The following SHQ1 variants were observed in gnomAD, a reference collection of about 807,000 sequenced individuals.
SHQ1 encodes SHQ1, H/ACA ribonucleoprotein assembly factor, also known as protein SHQ1 homolog.
Under a neutral mutation model 53.8 loss-of-function variants are expected in SHQ1, and 49 were observed. The observed-to-expected ratio is 0.91, with a 90% confidence interval of 0.72 to 1.16. SHQ1 has a LOEUF of 1.16. Ranked by LOEUF, SHQ1 falls within the 50% of genes most tolerant of loss-of-function variation. The probability of loss-of-function intolerance (pLI) is 0.00; values close to 1 mark genes in which losing one functional copy is unlikely to be tolerated. For missense variants in SHQ1, 738 were observed against 683.1 expected, an observed-to-expected ratio of 1.08 and a Z score of -0.90; for synonymous variants, 243 against 251.0, an observed-to-expected ratio of 0.97 and a Z score of 0.30.
downstream of SHQ1, among the ~76,000 whole-genome samples, chr3:72,745,025 C>T (rs952312021): frequency 6.6e-6 from 1 of 151,176 alleles, no homozygotes; most frequent in Non-Finnish European, 1.5e-5. Context: ...AAGTTTTAAA[C>T]TCATTTCCAT....
chr3:72,779,639 T>C (rs1157797293), intron 10 of SHQ1, among the ~76,000 whole-genome samples: 1 of 152,184 alleles, frequency 6.6e-6, no homozygotes, highest in African/African-American at 2.4e-5. Context: ...ATTTGTTGAA[T>C]GAATGGACTG....
At chr3:72,775,699 A>C (rs1437598565) in intron 10 of SHQ1, among the ~76,000 whole-genome samples, 1 of 152,168 alleles carries the variant, frequency 6.6e-6, no homozygotes, top group East Asian at 1.9e-4. Flanking sequence ...AATACATCAT[A>C]ATCAAGATAG....
intron 9 of SHQ1, among the ~76,000 whole-genome samples, chr3:72,805,908 A>G (rs1207054789): frequency 2.6e-5 from 4 of 152,236 alleles, no homozygotes; most frequent in Admixed American, 6.5e-5. Flanking sequence ...AATGTTTTAT[A>G]CAAATGTAAC....
intron 10 of SHQ1, chr3:72,772,480 C>A: frequency 3.9e-6 from 2 of 507,774 alleles, no homozygotes; most frequent in Admixed American, 2.7e-5. Context: ...TCTTCAAATG[C>A]ACATACAGAT....
At chr3:72,805,071 T>C (rs1706898177) in intron 9 of SHQ1, among the ~76,000 whole-genome samples, 1 of 152,208 alleles carries the variant, frequency 6.6e-6, no homozygotes, top group Non-Finnish European at 1.5e-5. Context: ...CTGTAAGCAA[T>C]TGTAACACAA....
At chr3:72,754,816 T>C (rs1466006749) in intron 10 of SHQ1, among the ~76,000 whole-genome samples, 1 of 152,242 alleles carries the variant, frequency 6.6e-6, no homozygotes, top group Non-Finnish European at 1.5e-5. Context: ...ATATTTAGCT[T>C]AACAATGTTA....
chr3:72,773,812 A>G (rs1705902998), intron 10 of SHQ1, among the ~76,000 whole-genome samples: 1 of 152,210 alleles, frequency 6.6e-6, no homozygotes, highest in Non-Finnish European at 1.5e-5. Context: ...CAACCTGCAT[A>G]ACGACAAGAC....
At chr3:72,727,748 CAGA>C in the SHQ1 span, among the ~76,000 whole-genome samples, 217 of 152,228 alleles carry the variant, frequency 1.4e-3, 1 homozygote, top group African/African-American at 4.9e-3. Context: ...CTGTTGAATC[CAGA>C]AGGACAGAAG....
At chr3:72,785,443 T>G (rs1380982675) in intron 10 of SHQ1, among the ~76,000 whole-genome samples, 3 of 152,192 alleles carry the variant, frequency 2.0e-5, no homozygotes, top group Non-Finnish European at 4.4e-5. Context: ...GGAGGTCACA[T>G]AGCGAAATTC....
the SHQ1 span, among the ~76,000 whole-genome samples, chr3:72,736,570 C>T: frequency 2.7e-5 from 4 of 148,410 alleles, no homozygotes; most frequent in African/African-American, 1.0e-4. Flanking sequence ...ACAGATGGAT[C>T]ACTTGAGGTC....
chr3:72,753,314 C>T (rs1027484821), intron 10 of SHQ1: 1 of 985,244 alleles, frequency 1.0e-6, no homozygotes, highest in African/African-American at 1.7e-5. Context: ...TAGTCCATCC[C>T]ATAATATCAG....
In SHQ1 at chr3:72,750,538, G is replaced by C. The variant is rs756825745; in HGVS notation, c.1480C>G (p.Pro494Ala). Residue 494 changes from proline (P) to alanine (A), a missense_variant, in exon 11 of 11, where the codon CCC (proline) becomes GCC (alanine). Physicochemically the swap from Pro to Ala is conservative, Grantham distance 27. Coordinates refer to ENST00000325599, the MANE Select transcript of SHQ1 (RefSeq NM_018130.3). ...AAGGCACTGCTTTCTTCAAGAAAGG[G>C]ACCTTGCAAAGAACTGACTGTCTCA... The part of the protein sequence containing the change: ...PSETVSSLQG[P>A]FLEESSAFLI... 2 of 1,614,098 alleles carry C rather than the reference G, an allele frequency of 1.2e-6. No individual in the cohort carries two copies. The highest frequency in any genetic ancestry group is 1.7e-6 in the Non-Finnish European group (2 of 1,180,044).
chr3:72,740,654 G>A, the SHQ1 span, among the ~76,000 whole-genome samples: 4 of 152,106 alleles, frequency 2.6e-5, no homozygotes, highest in East Asian at 1.9e-4. Flanking sequence ...ATGCTCAGGC[G>A]TTATGGAGCC....
In SHQ1 at chr3:72,797,186, A is replaced by T. The variant is rs187333170; in HGVS notation, c.1061-4150T>A. 5.8e-3 allele frequency among the ~76,000 whole-genome samples: 876 copies of T among 152,292 alleles called. 9 individuals are homozygous for T. Among genetic ancestry groups the T allele is most frequent in the African/African-American group, 0.019 (786 of 41,556 alleles). ...GGCGAGAGAATCACTTAAACCCAGG[A>T]GGCGGAGGCTGCAGTGAGCTAAGAT... On this transcript the variant is annotated intron_variant, in intron 9 of 10. Transcript: ENST00000325599.
chr3:72,790,574 C>T (rs138565856), intron 10 of SHQ1, among the ~76,000 whole-genome samples: 8 of 139,848 alleles, frequency 5.7e-5, no homozygotes, highest in East Asian at 2.1e-4. Flanking sequence ...AAATTCCTTA[C>T]GAAAATCATG....
intron 10 of SHQ1, among the ~76,000 whole-genome samples, chr3:72,752,711 T>A (rs971355488): frequency 2.4e-4 from 37 of 152,260 alleles, no homozygotes; most frequent in African/African-American, 8.9e-4. Context: ...GTATTTTTAG[T>A]AGAGACAGGG....
At chr3:72,760,789 G>A (rs1036806507) in intron 10 of SHQ1, among the ~76,000 whole-genome samples, 12 of 152,194 alleles carry the variant, frequency 7.9e-5, no homozygotes, top group Admixed American at 2.6e-4. Context: ...AAAATACAAT[G>A]TGGAGCTAGA....
intron 5 of SHQ1, among the ~76,000 whole-genome samples, chr3:72,830,183 T>A (rs994992149): frequency 4.6e-5 from 7 of 152,066 alleles, no homozygotes; most frequent in African/African-American, 1.7e-4. Flanking sequence ...AATAACAATC[T>A]AAAATCATAT....
intron 4 of SHQ1, among the ~76,000 whole-genome samples, chr3:72,840,242 T>C (rs1382671143): frequency 1.6e-3 from 152 of 93,550 alleles, no homozygotes; most frequent in African/African-American, 5.3e-3. Context: ...GACTCTGTCT[T>C]AAAAAAAAAA....
Sources: gnomAD v4.1 joint callset for allele counts (sites outside exome capture counted in the v4.1 genomes callset) on GRCh38, gnomAD v4.1.1 for gene constraint, MANE v1.5 for transcripts, NCBI Gene and HGNC (gene_info 2026-07-23, HGNC 2026-07-21) for gene names.